Variants in BCR observed in about 807,000 individuals in gnomAD.
BCR encodes BCR activator of RhoGEF and GTPase.
Under a neutral mutation model 138.6 loss-of-function variants are expected in BCR, and 58 were observed. That is an observed-to-expected ratio of 0.42 (90% CI 0.34 to 0.52). The LOEUF is 0.52. Among genes scored for constraint, BCR ranks in the 20% least tolerant of loss-of-function variants. The pLI, the probability that BCR is intolerant of heterozygous loss-of-function variation, is 0.06. For synonymous variants in BCR, 786 were observed against 730.1 expected (o/e 1.08, Z -1.23); for missense variants, 1,599 against 1,727.2 (o/e 0.93, Z 1.32).
intron 4 of BCR, among the ~76,000 whole-genome samples, chr22:23,266,583 T>C (rs111772542): frequency 1.3e-4 from 20 of 152,212 alleles, no homozygotes; most frequent in African/African-American, 4.8e-4. Flanking sequence ...AGAAACTGGG[T>C]ATTGCCATGT....
chr22:23,254,348 T>A (rs1446704311), intron 2 of BCR, among the ~76,000 whole-genome samples: 2 of 152,126 alleles, frequency 1.3e-5, no homozygotes, highest in Non-Finnish European at 2.9e-5. Context: ...TGCTCCCTTT[T>A]ACCAAAGCGT....
chr22:23,201,300 C>T (rs550274854), intron 1 of BCR, among the ~76,000 whole-genome samples: 1 of 152,316 alleles, frequency 6.6e-6, no homozygotes, highest in South Asian at 2.1e-4. Flanking sequence ...CTCTTCTAAG[C>T]TCACCTGGGT....
In BCR at chr22:23,222,267, G is replaced by A. The variant is rs11090223; in HGVS notation, c.1280-31532G>A. ...TAGGTGCTCAGTTAATGCTTGCAGA[G>A]TGAACAGGTGACACACCTGCCTGGC... On this transcript the variant is annotated intron_variant, in intron 1 of 22. Transcript: ENST00000305877. Among the ~76,000 whole-genome samples, 663 of 152,318 alleles carry A rather than the reference G, an allele frequency of 4.4e-3. 6 individuals are homozygous for A. Among genetic ancestry groups the A allele is most frequent in the African/African-American group, 0.015 (632 of 41,556 alleles).
At position 23,180,691 on chromosome 22, in the gene BCR, C is replaced by T. The variant is rs964034925; in HGVS notation, c.-270C>T. 368 of 150,736 alleles carry T rather than the reference C, an allele frequency of 2.4e-3. 2 individuals are homozygous for T. Among genetic ancestry groups the T allele is most frequent in the African/African-American group, 8.5e-3 (347 of 41,038 alleles). 9.3% of individuals were successfully genotyped at this position (150,736 alleles called of 1,614,324 possible). ...GGCGGCCTGGCGGAGCGGAGAGCAGCGCCCGCGCCTCGCCGTGCGGAGGAG... is the reference window on the plus strand; with the variant it reads ...GGCGGCCTGGCGGAGCGGAGAGCAGTGCCCGCGCCTCGCCGTGCGGAGGAG... On this transcript the variant is annotated 5_prime_UTR_variant, in exon 1 of 23. Transcript: ENST00000305877.
intron 4 of BCR, chr22:23,263,119 C>A: frequency 1.4e-6 from 1 of 710,840 alleles, no homozygotes; most frequent in Non-Finnish European, 2.3e-6. Flanking sequence ...GCCTACATCC[C>A]GGGGACAGGG....
intron 1 of BCR, among the ~76,000 whole-genome samples, chr22:23,218,135 G>A (rs927665289): frequency 6.6e-6 from 1 of 152,176 alleles, no homozygotes; most frequent in Non-Finnish European, 1.5e-5. Context: ...TTGTCATCAC[G>A]ATGCCAGTGC....
chr22:23,245,319 G>T (rs2073143703), intron 1 of BCR, among the ~76,000 whole-genome samples: 1 of 152,172 alleles, frequency 6.6e-6, no homozygotes, highest in African/African-American at 2.4e-5. Flanking sequence ...TGGCTAGCCT[G>T]GTGGCTTTCT....
At chr22:23,313,111 C>G in intron 20 of BCR, 90 bp downstream of exon 20, 1 of 1,452,124 alleles carries the variant, frequency 6.9e-7, no homozygotes, top group African/African-American at 1.4e-5. Context: ...GTGTGGGAAC[C>G]CAAGCTGTGC....
In BCR at chr22:23,181,575, C is replaced by T. The variant is rs1285264416; in HGVS notation, c.615C>T (p.Ser205=). 1 of 1,612,804 alleles carries T rather than the reference C, an allele frequency of 6.2e-7. No homozygotes were observed. The highest frequency in any genetic ancestry group is 8.5e-7 in the Non-Finnish European group (1 of 1,180,016). ...CGGACCGCATCAGCTCCCTGGGCAG[C>T]CAGGCCATGCAGATGGAGCGCAAAA... ...EVSDRISSLG[S]QAMQMERKKS... The change falls in exon 1 of 23, where the codon AGC becomes AGT. Residue 205 remains serine (S), a synonymous_variant. Transcript: ENST00000305877.
chr22:23,304,480 A>G (rs796613941), intron 16 of BCR, among the ~76,000 whole-genome samples: 20 of 152,138 alleles, frequency 1.3e-4, no homozygotes, highest in African/African-American at 2.7e-4. Context: ...TGCATTTACT[A>G]TTTGACAGAC....
At chr22:23,191,499 C>T (rs2072414274) in intron 1 of BCR, among the ~76,000 whole-genome samples, 1 of 152,216 alleles carries the variant, frequency 6.6e-6, no homozygotes, top group African/African-American at 2.4e-5. Flanking sequence ...GCATTTTCCC[C>T]TGCGTATCTT....
chr22:23,190,940 T>C (rs1415598158), intron 1 of BCR, among the ~76,000 whole-genome samples: 1 of 152,174 alleles, frequency 6.6e-6, no homozygotes, highest in African/African-American at 2.4e-5. Context: ...TTATTACCTT[T>C]TTTTTTAATA....
intron 4 of BCR, among the ~76,000 whole-genome samples, chr22:23,265,643 T>G (rs2073432477): frequency 1.3e-5 from 2 of 152,214 alleles, no homozygotes; most frequent in Non-Finnish European, 2.9e-5. Flanking sequence ...TTTTTCTAAT[T>G]ATTTCAAACT....
intron 2 of BCR, among the ~76,000 whole-genome samples, chr22:23,256,593 C>T (rs571259351): frequency 6.6e-6 from 1 of 152,292 alleles, no homozygotes. Flanking sequence ...GGTCCTTTCT[C>T]CAGCAGCTGT....
intron 1 of BCR, among the ~76,000 whole-genome samples, chr22:23,245,607 C>G (rs1308139146): frequency 1.3e-5 from 2 of 152,086 alleles, no homozygotes; most frequent in African/African-American, 2.4e-5. Context: ...GGGGCAGCTG[C>G]CAGCCTGGCA....
chr22:23,277,607 G>A (rs1356776227), intron 8 of BCR, among the ~76,000 whole-genome samples: 1 of 152,118 alleles, frequency 6.6e-6, no homozygotes, highest in Non-Finnish European at 1.5e-5. Flanking sequence ...GCTTCTGTTG[G>A]CCTGGGTGTT....
intron 4 of BCR, chr22:23,262,875 GGCA>G (rs1486772225): frequency 1.2e-5 from 13 of 1,060,112 alleles, no homozygotes; most frequent in Non-Finnish European, 1.1e-6. Context: ...CGGCGAAGGA[GGCA>G]GCGGGCCGGG....
intron 1 of BCR, among the ~76,000 whole-genome samples, chr22:23,201,150 C>T (rs976404811): frequency 7.2e-5 from 11 of 152,256 alleles, no homozygotes; most frequent in Admixed American, 4.6e-4. Context: ...CACACACGTG[C>T]GCAGCTGGTC....
At chr22:23,301,133 G>C (rs936529262) in intron 16 of BCR, among the ~76,000 whole-genome samples, 1 of 152,206 alleles carries the variant, frequency 6.6e-6, no homozygotes, top group African/African-American at 2.4e-5. Flanking sequence ...GTGAAACCCC[G>C]TCTCTACTAA....
Sources: gnomAD v4.1 joint callset for allele counts (sites outside exome capture counted in the v4.1 genomes callset) on GRCh38, gnomAD v4.1.1 for gene constraint, MANE v1.5 for transcripts, NCBI Gene and HGNC (gene_info 2026-07-23, HGNC 2026-07-21) for gene names.